NFYB: variants seen among roughly 807,000 people sequenced by gnomAD.
NFYB encodes the protein nuclear transcription factor Y subunit beta, also known as CAAT box DNA-binding protein subunit B.
A neutral mutation model predicts 28.0 loss-of-function variants in NFYB; 13 were observed. That is an observed-to-expected ratio of 0.46 (90% CI 0.30 to 0.74). NFYB has a LOEUF of 0.74. Among genes scored for constraint, NFYB ranks in the 30% least tolerant of loss-of-function variants. The pLI is 0.07. For synonymous variants in NFYB, 74 were observed against 75.0 expected, an observed-to-expected ratio of 0.99 and a Z score of 0.07; for missense variants, 142 against 247.6, an observed-to-expected ratio of 0.57 and a Z score of 2.86.
At chr12:104,126,959 C>T (rs2030739995) in intron 3 of NFYB, among the ~76,000 whole-genome samples, 3 of 152,184 alleles carry the variant, frequency 2.0e-5, no homozygotes, top group Admixed American at 2.0e-4. Flanking sequence ...ACTAATGTAA[C>T]TAGTTTTTGA....
At chr12:104,128,777 C>T (rs1280551589) in intron 2 of NFYB, among the ~76,000 whole-genome samples, 1 of 152,132 alleles carries the variant, frequency 6.6e-6, no homozygotes, top group South Asian at 2.1e-4. Flanking sequence ...AGCAATCCTC[C>T]CACCTCAGCC....
At chr12:104,132,671 G>A (rs975969039) in intron 2 of NFYB, among the ~76,000 whole-genome samples, 3 of 152,330 alleles carry the variant, frequency 2.0e-5, no homozygotes, top group African/African-American at 7.2e-5. Flanking sequence ...TCTTGCAGCT[G>A]GAGAGACAGA....
At chr12:104,131,020 G>C (rs963539734) in intron 2 of NFYB, 2 of 152,152 alleles carry the variant, frequency 1.3e-5, no homozygotes, top group African/African-American at 4.8e-5. Context: ...CTATGAGCAA[G>C]ACACTGTTCA....
rs553851766 is a variant in NFYB, at chr12:104,133,942, T to G, written c.6+1506A>C. Among the ~76,000 whole-genome samples the G allele has an allele frequency of 2.0e-5, 3 of 152,272 alleles. No homozygotes were observed. The East Asian group carries it at 5.8e-4, about 29-fold the overall frequency. On this transcript the variant is annotated intron_variant, in intron 2 of 7. Coordinates refer to ENST00000240055, the MANE Select transcript of NFYB (RefSeq NM_006166.4). ...TTGCCCTGACAGTTGTTAAGACACCTCTTCATTCCTATTTAAACTCCTGAA... is the reference window on the plus strand; with the variant it reads ...TTGCCCTGACAGTTGTTAAGACACCGCTTCATTCCTATTTAAACTCCTGAA...
chr12:104,126,889 A>T (rs1327828505), intron 3 of NFYB, among the ~76,000 whole-genome samples: 2 of 152,238 alleles, frequency 1.3e-5, no homozygotes, highest in Non-Finnish European at 2.9e-5. Flanking sequence ...TATAAAGTTT[A>T]TATAAAATTC....
chr12:104,127,406 T>C (rs1027053408), intron 3 of NFYB, among the ~76,000 whole-genome samples: 1 of 151,516 alleles, frequency 6.6e-6, no homozygotes, highest in African/African-American at 2.4e-5. Context: ...ACCCTGTCTC[T>C]ACTAAAAAAA....
Position 104,117,236 on chromosome 12 carries a change from C to T in NFYB, c.*2501G>A, listed in dbSNP as rs2030299261. On this transcript the variant is annotated 3_prime_UTR_variant, in exon 8 of 8. Coordinates refer to ENST00000240055, the MANE Select transcript of NFYB (RefSeq NM_006166.4). ...CAAGCATAAATTAGGATATTATGCA[C>T]CTGACACATTCAGAATGTCCATTTT... 1.3e-5 allele frequency: 2 copies of T among 152,208 alleles called. No individual in the cohort carries two copies. The highest frequency in any genetic ancestry group is 4.8e-5 in the African/African-American group (2 of 41,530). The allele number at this position is 152,208 out of a possible 1,614,324, so 9.4% of individuals were successfully genotyped here.
intron 2 of NFYB, among the ~76,000 whole-genome samples, chr12:104,129,779 G>A (rs932285905): frequency 6.6e-6 from 1 of 152,144 alleles, no homozygotes; most frequent in Admixed American, 6.5e-5. Context: ...CTAACTACTT[G>A]AGAGGCTGAG....
rs751120424 is a variant in NFYB at position 104,120,452 on chromosome 12, G to T, written c.539C>A (p.Thr180Asn). The T allele has an allele frequency of 3.1e-6, 5 of 1,613,734 alleles. No homozygotes were observed. The African/African-American group carries it at 6.7e-5, about 22-fold the overall frequency. The change falls in exon 7 of 8, where the codon ACC becomes AAC. Residue 180 changes from threonine to asparagine, a missense_variant. By Grantham distance (65) the Thr-to-Asn change is moderately conservative. This residue lies in a region of NFYB where 88 missense variants were observed against 189.5 expected (regional missense o/e 0.46). Coordinates refer to ENST00000240055, the MANE Select transcript of NFYB (RefSeq NM_006166.4). ...FTNQLPAGLI[T>N]TDGQQQNVMV... ...AACATTTTGTTGTTGACCGTCTGTG[G>T]TTATTAAGCCAGCTGGTAACTGGTT...
chr12:104,132,612 T>C lies in NFYB; in HGVS notation c.6+2836A>G, dbSNP rs1827066610. ...CTAGACAGCTTTTTAGTAGGTGACTTGGTGACTGACTGATAGAGATACAGG... is the reference window on the plus strand; with the variant it reads ...CTAGACAGCTTTTTAGTAGGTGACTCGGTGACTGACTGATAGAGATACAGG... On this transcript the variant is annotated intron_variant, in intron 2 of 7. Coordinates refer to ENST00000240055, the MANE Select transcript of NFYB (RefSeq NM_006166.4). Among the ~76,000 whole-genome samples the C allele has an allele frequency of 2.6e-5, 4 of 152,196 alleles. No individual in the cohort carries two copies. The South Asian group carries it at 8.3e-4, about 32-fold the overall frequency.
At chr12:104,131,918 T>C in intron 2 of NFYB, 1 of 366,436 alleles carries the variant, frequency 2.7e-6, no homozygotes, top group Non-Finnish European at 5.4e-6. Flanking sequence ...AATCACCTAG[T>C]TTGAATTCCC....
At chr12:104,135,865 G>A (rs940198549) in intron 1 of NFYB, among the ~76,000 whole-genome samples, 4 of 152,048 alleles carry the variant, frequency 2.6e-5, no homozygotes, top group East Asian at 1.9e-4. Flanking sequence ...TATATAATAT[G>A]CAAGAGACCA....
intron 3 of NFYB, 52 bp downstream of exon 3, chr12:104,128,372 C>T (rs2030798741): frequency 7.4e-7 from 1 of 1,346,138 alleles, no homozygotes; most frequent in Non-Finnish European, 1.1e-6. Flanking sequence ...GAAATGTCCA[C>T]TTTCTAACTT....
chr12:104,118,042 A>T lies in NFYB; in HGVS notation c.*1695T>A, dbSNP rs1055445099. 6 of 152,244 alleles carry T rather than the reference A, an allele frequency of 3.9e-5. No homozygotes were observed. The highest frequency in any genetic ancestry group is 1.4e-4 in the African/African-American group (6 of 41,466). The allele number at this position is 152,244 out of a possible 1,614,324, so 9.4% of individuals were successfully genotyped here. A position where few individuals can be genotyped will look rare whatever the true frequency, so the allele number is the denominator to read the frequency against. ...AGATTAAATGAATTATGATTGAGTC[A>T]TACAGCAGAATAATAAACCAATAAA... On this transcript the variant is annotated 3_prime_UTR_variant, in exon 8 of 8. Coordinates refer to ENST00000240055, the MANE Select transcript of NFYB (RefSeq NM_006166.4).
chr12:104,127,143 C>CTT (rs2030745516), intron 3 of NFYB, among the ~76,000 whole-genome samples: 2 of 152,118 alleles, frequency 1.3e-5, no homozygotes, highest in Non-Finnish European at 2.9e-5. Flanking sequence ...AGGCAAGGCA[C>CTT]TTAAGTTGAT....
At chr12:104,131,633 C>A in intron 2 of NFYB, 1 of 403,602 alleles carries the variant, frequency 2.5e-6, no homozygotes, top group South Asian at 1.8e-5. Flanking sequence ...AAAAAACTTG[C>A]TAGATGCATC....
At chr12:104,120,315 A>G (rs1263975018) in intron 7 of NFYB, 85 bp downstream of exon 7, 1 of 1,132,362 alleles carries the variant, frequency 8.8e-7, no homozygotes, top group African/African-American at 1.6e-5. Flanking sequence ...TCGGCCTCCC[A>G]AGGTGCTGGG....
chr12:104,133,674 C>G (rs1299261504), intron 2 of NFYB, among the ~76,000 whole-genome samples: 1 of 152,156 alleles, frequency 6.6e-6, no homozygotes, highest in Non-Finnish European at 1.5e-5. Context: ...ATTATTCTTC[C>G]AGGCAGAGAT....
intron 4 of NFYB, among the ~76,000 whole-genome samples, chr12:104,123,763 C>A (rs2030573668): frequency 1.3e-5 from 2 of 152,102 alleles, no homozygotes; most frequent in African/African-American, 4.8e-5. Context: ...AGTTCAAGAC[C>A]AGCCTGGCCA....
Sources: gnomAD v4.1 joint callset for allele counts (sites outside exome capture counted in the v4.1 genomes callset) on GRCh38, gnomAD v4.1.1 for gene constraint, gnomAD v4.1.1 regional missense constraint, MANE v1.5 for transcripts, NCBI Gene and HGNC (gene_info 2026-07-23, HGNC 2026-07-21) for gene names.